RUVBL2: variants seen among roughly 807,000 people sequenced by gnomAD.
The protein encoded by RUVBL2 is RuvB like AAA ATPase 2.
RUVBL2 carries 9 observed loss-of-function variants against 57.9 expected under a neutral mutation model. The observed-to-expected ratio is 0.16, with a 90% confidence interval of 0.09 to 0.27. The LOEUF (loss-of-function observed/expected upper bound fraction) is 0.27. Among genes scored for constraint, RUVBL2 ranks in the 10% least tolerant of loss-of-function variants. The pLI is 1.00. For synonymous variants in RUVBL2, 278 were observed against 264.6 expected, an observed-to-expected ratio of 1.05 and a Z score of -0.49; for missense variants, 456 against 669.6, an observed-to-expected ratio of 0.68 and a Z score of 3.52.
At chr19:49,009,315 C>T (rs1463145808) in intron 6 of RUVBL2, among the ~76,000 whole-genome samples, 2 of 151,446 alleles carry the variant, frequency 1.3e-5, no homozygotes, top group East Asian at 2.0e-4. Flanking sequence ...AGTGAAACCC[C>T]ATCTCTACTA....
intron 11 of RUVBL2, among the ~76,000 whole-genome samples, chr19:49,013,363 GTGT>G (rs1158809400): frequency 6.6e-6 from 1 of 151,148 alleles, no homozygotes; most frequent in East Asian, 1.9e-4. Context: ...GCCTCCCAAA[GTGT>G]TGTCACTTTT....
rs1568641269 is a variant in RUVBL2, at chr19:49,011,230, G to A, written c.921G>A (p.Glu307=). The A allele has an allele frequency of 2.5e-6, 4 of 1,613,996 alleles. No homozygotes were observed. The highest frequency in any genetic ancestry group is 1.1e-5 in the South Asian group (1 of 91,080). The change falls in exon 11 of 15, where the codon GAG becomes GAA. Residue 307 remains glutamate (E), a synonymous_variant. Coordinates refer to ENST00000595090, the MANE Select transcript of RUVBL2 (RefSeq NM_006666.3). This position sits in a 1 kb window ranked among gnomAD's most constrained non-coding sequence, Gnocchi z 4.4. ...ACGAGGTCCACATGCTGGACATCGA[G>A]AGCTTCTCCTTCCTCAACCGGGCCC... ...FIDEVHMLDI[E]SFSFLNRALE...
rs1032816237 is a variant in RUVBL2 at position 49,013,562 on chromosome 19, G to A, written c.1002-922G>A. On this transcript the variant is annotated intron_variant, in intron 11 of 14. Coordinates refer to ENST00000595090, the MANE Select transcript of RUVBL2 (RefSeq NM_006666.3). ...GCCCAAGTTAGAATGCTGTTGACAC[G>A]AGCTCCATGTTAGAGAATAAACAGT... 2.6e-5 allele frequency among the ~76,000 whole-genome samples: 4 copies of A among 152,204 alleles called. No individual in the cohort carries two copies. In the East Asian group the frequency reaches 7.7e-4, roughly 29 times the overall value.
chr19:49,015,502 C>T (rs2039528245), intron 13 of RUVBL2, 70 bp from the exon 14 acceptor site: 1 of 1,151,030 alleles, frequency 8.7e-7, no homozygotes, highest in South Asian at 1.2e-5. Context: ...ATGGAGGTGG[C>T]ATACGCTGGG....
intron 4 of RUVBL2, among the ~76,000 whole-genome samples, chr19:49,005,107 C>T (rs558288227): frequency 3.9e-4 from 59 of 152,270 alleles, no homozygotes; most frequent in African/African-American, 1.4e-3. Flanking sequence ...CCAGCTGTTC[C>T]TCTTCTTCCT....
chr19:49,005,639 CATT>C (rs1568636500), intron 4 of RUVBL2, among the ~76,000 whole-genome samples: 1 of 147,902 alleles, frequency 6.8e-6, no homozygotes, highest in Non-Finnish European at 1.5e-5. Flanking sequence ...TACTCTTCTT[CATT>C]TTTTTTTTTT....
In RUVBL2 at chr19:49,011,463, A is replaced by G. The variant is rs1471568146; in HGVS notation, c.1001+153A>G. ...TGCTTACAAAAGGCGGGTGGGAGGC[A>G]GCTCTGCTTCCCGAGGAAGCCCAGA... On this transcript the variant is annotated intron_variant, in intron 11 of 14. Transcript: ENST00000595090. The surrounding 1 kb of genome is among the most constrained non-coding windows in gnomAD (Gnocchi z 4.4). Among the ~76,000 whole-genome samples the G allele has an allele frequency of 6.6e-6, 1 of 152,194 alleles. No homozygotes were observed.
intron 1 of RUVBL2, among the ~76,000 whole-genome samples, chr19:48,996,878 G>A (rs1168245297): frequency 6.6e-6 from 1 of 151,766 alleles, no homozygotes; most frequent in Non-Finnish European, 1.5e-5. Flanking sequence ...GGCCAGGCTG[G>A]TCTCGAACCC....
At chr19:49,010,299 A>G in intron 8 of RUVBL2, 189 bp from the exon 9 acceptor site, 4 of 690,966 alleles carry the variant, frequency 5.8e-6, no homozygotes, top group Non-Finnish European at 7.3e-6. Context: ...AGCCCCCGTG[A>G]CCCTCAGCGC....
intron 1 of RUVBL2, 152 bp from the exon 2 acceptor site, chr19:48,999,167 C>T: frequency 1.3e-6 from 1 of 798,248 alleles, no homozygotes; most frequent in Non-Finnish European, 2.2e-6. Context: ...TAGGCAGTGA[C>T]AGGCAAGAGG....
Position 49,011,450 on chromosome 19 carries a change from G to A in RUVBL2, c.1001+140G>A. ...AGTGTGCGCTCTTTGCTTACAAAAGGCGGGTGGGAGGCAGCTCTGCTTCCC... is the reference window on the plus strand; with the variant it reads ...AGTGTGCGCTCTTTGCTTACAAAAGACGGGTGGGAGGCAGCTCTGCTTCCC... On this transcript the variant is annotated intron_variant, in intron 11 of 14. Coordinates refer to ENST00000595090, the MANE Select transcript of RUVBL2 (RefSeq NM_006666.3). This position sits in a 1 kb window ranked among gnomAD's most constrained non-coding sequence, Gnocchi z 4.4. 1 of 668,378 alleles carries A rather than the reference G, an allele frequency of 1.5e-6. No individual in the cohort carries two copies. Among genetic ancestry groups the A allele is most frequent in the Non-Finnish European group, 2.6e-6 (1 of 386,240 alleles). 41.4% of individuals were successfully genotyped at this position (668,378 alleles called of 1,614,324 possible). A position where few individuals can be genotyped will look rare whatever the true frequency, so the allele number is the denominator to read the frequency against.
intron 4 of RUVBL2, 23 bp from the exon 5 acceptor site, chr19:49,006,995 T>A: frequency 6.2e-7 from 1 of 1,611,472 alleles, no homozygotes; most frequent in Non-Finnish European, 8.5e-7. Context: ...CGGCTTCACC[T>A]ACACAGACTG....
In RUVBL2 at chr19:49,015,612, C is replaced by T. The variant is rs1471331743; in HGVS notation, c.1292C>T (p.Ser431Leu). The stretch of plus-strand genomic sequence containing the variant: ...GTGGATGACATCAAGCGGGTCTACT[C>T]ACTCTTCCTGGACGAGTCCCGCTCC... ...VQVDDIKRVY[S>L]LFLDESRSTQ... Residue 431 changes from serine (S) to leucine (L), a missense_variant, in exon 14 of 15, where the codon TCA becomes TTA. Around this residue, in one of 5 missense-constraint regions of RUVBL2, gnomAD observed 67 missense variants for 71.5 expected, o/e 0.94. Transcript: ENST00000595090. The T allele has an allele frequency of 1.2e-6, 2 of 1,614,122 alleles. No individual in the cohort carries two copies. Among genetic ancestry groups the T allele is most frequent in the Non-Finnish European group, 1.7e-6 (2 of 1,180,026 alleles).
chr19:48,998,557 A>G (rs1462007337), intron 1 of RUVBL2, among the ~76,000 whole-genome samples: 1 of 151,288 alleles, frequency 6.6e-6, no homozygotes, highest in East Asian at 1.9e-4. Context: ...AATACAAAAA[A>G]AATTAGCCAA....
chr19:49,013,354 C>T (rs1401354433), intron 11 of RUVBL2, among the ~76,000 whole-genome samples: 1 of 151,706 alleles, frequency 6.6e-6, no homozygotes, highest in African/African-American at 2.4e-5. Context: ...CCCGCCTCAG[C>T]CTCCCAAAGT....
rs769973835 is a variant in RUVBL2 at position 49,011,119 on chromosome 19, C to T, written c.882+26C>T. ...GTGAGGACCCAGGACATGGCCGGGG[C>T]GGGTGGTGGGGTGGAGGTGGGCCGG... On this transcript the variant is annotated intron_variant, in intron 10 of 14. Coordinates refer to ENST00000595090, the MANE Select transcript of RUVBL2 (RefSeq NM_006666.3). The surrounding 1 kb of genome is among the most constrained non-coding windows in gnomAD (Gnocchi z 4.4). 2.4e-5 allele frequency: 12 copies of T among 504,730 alleles called. No individual in the cohort carries two copies. Among genetic ancestry groups the T allele is most frequent in the Admixed American group, 4.4e-5 (2 of 45,816 alleles). The allele number at this position is 504,730 out of a possible 1,614,324, so 31.3% of individuals were successfully genotyped here. A position where few individuals can be genotyped will look rare whatever the true frequency, so the allele number is the denominator to read the frequency against.
In RUVBL2 at chr19:49,015,009, C is replaced by A; in HGVS notation, c.1122-12C>A. ...CCCCGGCTGAGCCACCCCTGTCCCC[C>A]ACTGCTTGCAGGTGCGAGGAAGAAG... On this transcript the variant is annotated splice_polypyrimidine_tract_variant and intron_variant, in intron 12 of 14. Transcript: ENST00000595090. 1 of 1,589,486 alleles carries A rather than the reference C, an allele frequency of 6.3e-7. No homozygotes were observed. The highest frequency in any genetic ancestry group is 8.6e-7 in the Non-Finnish European group (1 of 1,169,028).
At chr19:48,998,085 A>G (rs898083171) in intron 1 of RUVBL2, among the ~76,000 whole-genome samples, 2 of 152,214 alleles carry the variant, frequency 1.3e-5, no homozygotes, top group African/African-American at 4.8e-5. Context: ...TCCCTCGGGA[A>G]TGTGAGATCA....
intron 6 of RUVBL2, among the ~76,000 whole-genome samples, chr19:49,009,100 G>T (rs1433920718): frequency 7.2e-6 from 1 of 139,334 alleles, no homozygotes; most frequent in Non-Finnish European, 1.5e-5. Context: ...GATGGAGGTT[G>T]GAGTGAGCTG....
Sources: allele counts gnomAD v4.1 joint callset (sites outside exome capture counted in the v4.1 genomes callset), GRCh38; gene constraint gnomAD v4.1.1; regional missense constraint gnomAD v4.1.1; non-coding constraint Gnocchi (gnomAD v3.1); transcripts MANE v1.5; gene names NCBI Gene and HGNC (gene_info 2026-07-23, HGNC 2026-07-21).